The following LRP1B variants were observed in gnomAD, a reference collection of about 807,000 sequenced individuals.
LRP1B encodes LDL receptor related protein 1B.
In LRP1B, 217 loss-of-function variants were observed where a neutral mutation model predicts 556.6. The ratio of observed to expected loss-of-function variants is 0.39; its 90% CI spans 0.35 to 0.44. The LOEUF is 0.44. Among genes scored for constraint, LRP1B ranks in the 20% least tolerant of loss-of-function variants. The probability of loss-of-function intolerance (pLI) is 1.00; values close to 1 mark genes in which losing one functional copy is unlikely to be tolerated. For missense variants in LRP1B, 5,053 were observed against 5,620.8 expected, an observed-to-expected ratio of 0.90 and a Z score of 3.23; for synonymous variants, 2,047 against 1,865.8, an observed-to-expected ratio of 1.10 and a Z score of -2.50.
chr2:142,026,668 C>G (rs1703516305), intron 1 of LRP1B, among the ~76,000 whole-genome samples: 1 of 151,946 alleles, frequency 6.6e-6, no homozygotes, highest in African/African-American at 2.4e-5. Flanking sequence ...GTCTGTGAGG[C>G]AGTAAAGATG....
chr2:141,199,969 G>T (rs113076985), intron 6 of LRP1B, among the ~76,000 whole-genome samples: 2,250 of 152,278 alleles, frequency 0.015, 34 homozygotes, highest in Middle Eastern at 0.034. Flanking sequence ...CTCACACCCT[G>T]TTGGTGGGAG....
chr2:140,232,810 GTATA>G lies in LRP1B; in HGVS notation c.*372_*375del, dbSNP rs780009739. The G allele has an allele frequency of 3.2e-5, 5 of 154,658 alleles. No homozygotes were observed. The highest frequency in any genetic ancestry group is 7.2e-5 in the Non-Finnish European group (5 of 69,716). 9.6% of individuals were successfully genotyped at this position (154,658 alleles called of 1,614,324 possible). On this transcript the variant is annotated 3_prime_UTR_variant, in exon 91 of 91. Transcript: ENST00000389484. ...GACACTGTATTACAGCCTTCAAACC[GTATA>G]ATGGAAAAGTGCAGAGATTCTCCTC...
At chr2:140,337,280 A>G (rs1215782681) in intron 77 of LRP1B, among the ~76,000 whole-genome samples, 1 of 151,914 alleles carries the variant, frequency 6.6e-6, no homozygotes, top group Non-Finnish European at 1.5e-5. Flanking sequence ...ATGAAATTTT[A>G]TTACCCTATT....
rs143318487 is a variant in LRP1B at position 140,285,615 on chromosome 2, A to G, written c.12968-11017T>C. Among the ~76,000 whole-genome samples the G allele has an allele frequency of 5.2e-4, 79 of 151,884 alleles. 1 individual carries two copies. The highest frequency in any genetic ancestry group is 5.8e-4 in the Non-Finnish European group (39 of 67,822). On this transcript the variant is annotated intron_variant, in intron 84 of 90. Coordinates refer to ENST00000389484, the MANE Select transcript of LRP1B (RefSeq NM_018557.3). ...ATAAACAAACAATTTATTGATATGT[A>G]ATAATCAGGTTCCCTCTGTACTAAG...
chr2:140,584,293 C>T (rs907920056), intron 43 of LRP1B, among the ~76,000 whole-genome samples: 11 of 151,822 alleles, frequency 7.2e-5, no homozygotes, highest in Non-Finnish European at 1.5e-4. Context: ...TTTATCTGCT[C>T]AATTATTTCA....
chr2:142,029,698 C>T (rs979030688), intron 1 of LRP1B, among the ~76,000 whole-genome samples: 1 of 151,820 alleles, frequency 6.6e-6, no homozygotes, highest in African/African-American at 2.4e-5. Context: ...TTCTTTCAAG[C>T]TTGTTTGTGC....
intron 1 of LRP1B, among the ~76,000 whole-genome samples, chr2:141,816,837 C>T (rs948306719): frequency 7.3e-5 from 11 of 151,560 alleles, no homozygotes; most frequent in African/African-American, 1.9e-4. Flanking sequence ...ATTTACCTAA[C>T]GAGCCTATGT....
chr2:140,671,595 C>A (rs1029153046), intron 41 of LRP1B, among the ~76,000 whole-genome samples: 5 of 152,140 alleles, frequency 3.3e-5, no homozygotes, highest in African/African-American at 1.2e-4. Flanking sequence ...ATTCCTTGGC[C>A]TCTTTCTCCA....
chr2:141,118,942 A>G (rs1236147492), intron 7 of LRP1B, among the ~76,000 whole-genome samples: 3 of 151,932 alleles, frequency 2.0e-5, no homozygotes, highest in African/African-American at 7.2e-5. Context: ...GGAATTCTAC[A>G]TAGATATAGT....
intron 3 of LRP1B, among the ~76,000 whole-genome samples, chr2:141,463,857 A>G (rs1682047702): frequency 8.0e-6 from 1 of 124,516 alleles, no homozygotes; most frequent in African/African-American, 2.6e-5. Context: ...CATATAATAT[A>G]TAATTATATA....
At chr2:140,275,648 AAACTGGGAGACT>A (rs1682640395) in intron 84 of LRP1B, among the ~76,000 whole-genome samples, 1 of 151,976 alleles carries the variant, frequency 6.6e-6, no homozygotes, top group South Asian at 2.1e-4. Context: ...AGAGGAAAGC[AAACTGGGAGACT>A]AACTGATCCA....
At chr2:141,773,517 G>C (rs1008277518) in intron 2 of LRP1B, among the ~76,000 whole-genome samples, 1 of 152,224 alleles carries the variant, frequency 6.6e-6, no homozygotes, top group African/African-American at 2.4e-5. Flanking sequence ...CAAAGGATCA[G>C]AGGACAAGGT....
intron 1 of LRP1B, among the ~76,000 whole-genome samples, chr2:141,978,163 G>A (rs1361104428): frequency 6.6e-6 from 1 of 152,088 alleles, no homozygotes; most frequent in African/African-American, 2.4e-5. Flanking sequence ...TGGATAGTGA[G>A]TGAATGAACT....
intron 31 of LRP1B, among the ~76,000 whole-genome samples, chr2:140,820,581 C>A (rs1691291444): frequency 6.8e-6 from 1 of 147,082 alleles, no homozygotes. Flanking sequence ...AGAGGAAAAA[C>A]CAGAATCAAC....
At chr2:141,017,268 T>A (rs568159977) in intron 12 of LRP1B, among the ~76,000 whole-genome samples, 21 of 152,170 alleles carry the variant, frequency 1.4e-4, no homozygotes, top group Admixed American at 1.1e-3. Context: ...TATATAAAAG[T>A]GAAATATGCA....
chr2:141,846,701 C>T (rs533051481), intron 1 of LRP1B, among the ~76,000 whole-genome samples: 1 of 151,086 alleles, frequency 6.6e-6, no homozygotes, highest in East Asian at 1.9e-4. Context: ...CTGAAAAATC[C>T]ATCAATATAA....
chr2:141,523,116 T>C (rs950606666), intron 2 of LRP1B, among the ~76,000 whole-genome samples: 2 of 152,022 alleles, frequency 1.3e-5, no homozygotes, highest in Admixed American at 1.3e-4. Context: ...GCTAAAACAG[T>C]TATTTTAAAA....
chr2:140,243,589 C>T (rs1239028577), intron 87 of LRP1B, among the ~76,000 whole-genome samples: 1 of 151,162 alleles, frequency 6.6e-6, no homozygotes, highest in Admixed American at 6.6e-5. Context: ...CATCCTTTCT[C>T]TTAAGCATTT....
At chr2:141,162,665 C>T (rs961840879) in intron 7 of LRP1B, among the ~76,000 whole-genome samples, 1 of 151,966 alleles carries the variant, frequency 6.6e-6, no homozygotes, top group Non-Finnish European at 1.5e-5. Flanking sequence ...ACTAAAGAGA[C>T]TTCAGTTTAA....
Sources: allele counts gnomAD v4.1 joint callset (sites outside exome capture counted in the v4.1 genomes callset), GRCh38; gene constraint gnomAD v4.1.1; transcripts MANE v1.5; gene names NCBI Gene and HGNC (gene_info 2026-07-23, HGNC 2026-07-21).